The following PPFIA2 variants were observed in gnomAD, a reference collection of about 807,000 sequenced individuals.
PPFIA2 encodes the protein PPFI scaffold protein A2, also known as liprin-alpha-2.
A neutral mutation model predicts 175.5 loss-of-function variants in PPFIA2; 46 were observed. The observed-to-expected ratio is 0.26, with a 90% CI of 0.21 to 0.34. PPFIA2 has a LOEUF of 0.34. Ranked by LOEUF, PPFIA2 falls within the 10% of genes least tolerant of loss-of-function variation. PPFIA2 has a pLI of 1.00. For missense variants in PPFIA2, 1,179 were observed against 1,506.1 expected (o/e 0.78, Z 3.60); for synonymous variants, 568 against 511.4 (o/e 1.11, Z -1.49).
intron 4 of PPFIA2, among the ~76,000 whole-genome samples, chr12:81,538,386 T>C (rs1273409404): frequency 6.6e-6 from 1 of 151,894 alleles, no homozygotes; most frequent in African/African-American, 2.4e-5. Flanking sequence ...TATATTATTA[T>C]ATAAAACATA....
chr12:81,549,622 C>T lies in PPFIA2; in HGVS notation c.304-91756G>A, dbSNP rs181657728. Reference sequence around the variant, plus strand: ...TATCTCACTAAATCCTTGAATATGTCCCATTCCATTAGACACTCTCAAAAC... The same window carrying T: ...TATCTCACTAAATCCTTGAATATGTTCCATTCCATTAGACACTCTCAAAAC... On this transcript the variant is annotated intron_variant, in intron 4 of 32. Transcript: ENST00000549396. 8.5e-5 allele frequency among the ~76,000 whole-genome samples: 13 copies of T among 152,108 alleles called. No homozygotes were observed. The East Asian group carries it at 2.3e-3, about 27-fold the overall frequency.
intron 3 of PPFIA2, among the ~76,000 whole-genome samples, chr12:81,752,804 A>T (rs1219391340): frequency 6.6e-6 from 1 of 152,208 alleles, no homozygotes; most frequent in Non-Finnish European, 1.5e-5. Flanking sequence ...AACATTTAGT[A>T]TACTGTCTTT....
intron 8 of PPFIA2, among the ~76,000 whole-genome samples, chr12:81,388,222 A>C (rs979498753): frequency 6.6e-6 from 1 of 152,192 alleles, no homozygotes; most frequent in Non-Finnish European, 1.5e-5. Context: ...AATCATGCTA[A>C]ATAATTAAAT....
chr12:81,613,739 T>C (rs890557851), intron 4 of PPFIA2, among the ~76,000 whole-genome samples: 1 of 152,152 alleles, frequency 6.6e-6, no homozygotes, highest in African/African-American at 2.4e-5. Flanking sequence ...TGCTAAGGAC[T>C]AGAATAATGC....
At chr12:81,542,609 C>T (rs1443589333) in intron 4 of PPFIA2, among the ~76,000 whole-genome samples, 1 of 152,134 alleles carries the variant, frequency 6.6e-6, no homozygotes, top group Non-Finnish European at 1.5e-5. Flanking sequence ...AAGTTTCCCT[C>T]AGCTGGACTA....
chr12:81,301,203 T>G (rs1413564153), intron 22 of PPFIA2, among the ~76,000 whole-genome samples: 2 of 151,992 alleles, frequency 1.3e-5, no homozygotes, highest in Non-Finnish European at 2.9e-5. Flanking sequence ...GAACTTAACA[T>G]GAAATACGTG....
chr12:81,456,699 C>T (rs2053625416), intron 5 of PPFIA2, among the ~76,000 whole-genome samples: 1 of 152,058 alleles, frequency 6.6e-6, no homozygotes, highest in Non-Finnish European at 1.5e-5. Flanking sequence ...AACTGTACTC[C>T]TCTATGGGTA....
chr12:81,319,694 C>T (rs758610783), intron 22 of PPFIA2, among the ~76,000 whole-genome samples: 1 of 151,836 alleles, frequency 6.6e-6, no homozygotes, highest in Non-Finnish European at 1.5e-5. Context: ...CTAAGGACTT[C>T]ATTTTTGGAA....
chr12:81,305,543 A>G (rs1220455972), intron 22 of PPFIA2, among the ~76,000 whole-genome samples: 1 of 152,048 alleles, frequency 6.6e-6, no homozygotes, highest in Non-Finnish European at 1.5e-5. Context: ...GATACTCACC[A>G]TTCTTTGCAC....
intron 4 of PPFIA2, among the ~76,000 whole-genome samples, chr12:81,630,946 G>A (rs890039038): frequency 6.6e-6 from 1 of 150,466 alleles, no homozygotes; most frequent in African/African-American, 2.4e-5. Flanking sequence ...GGCCAGGCTG[G>A]AGGGCAGTGG....
At chr12:81,701,908 G>A (rs1297458451) in intron 3 of PPFIA2, among the ~76,000 whole-genome samples, 1 of 140,668 alleles carries the variant, frequency 7.1e-6, no homozygotes, top group Non-Finnish European at 1.5e-5. Context: ...ACACTTTATG[G>A]GAAGACTAAA....
chr12:81,554,306 T>C (rs1022580102), intron 4 of PPFIA2, among the ~76,000 whole-genome samples: 1 of 152,040 alleles, frequency 6.6e-6, no homozygotes, highest in Non-Finnish European at 1.5e-5. Context: ...CAAATTTTCC[T>C]AAGCCAAAGT....
chr12:81,669,488 G>A (rs1398802289), intron 4 of PPFIA2, among the ~76,000 whole-genome samples: 3 of 151,870 alleles, frequency 2.0e-5, no homozygotes, highest in Admixed American at 2.0e-4. Context: ...GACAAGGCTT[G>A]TAACTATGTA....
intron 4 of PPFIA2, among the ~76,000 whole-genome samples, chr12:81,526,851 G>A (rs2063789831): frequency 6.6e-6 from 1 of 152,106 alleles, no homozygotes; most frequent in Non-Finnish European, 1.5e-5. Flanking sequence ...TTAATTGGTA[G>A]ATACAGTCAC....
chr12:81,660,093 G>A (rs2068539898), intron 4 of PPFIA2, among the ~76,000 whole-genome samples: 1 of 151,964 alleles, frequency 6.6e-6, no homozygotes, highest in South Asian at 2.1e-4. Flanking sequence ...CACAAAGATG[G>A]GGAAAAAAGC....
chr12:81,508,707 G>A (rs1301164022), intron 4 of PPFIA2, among the ~76,000 whole-genome samples: 2 of 151,102 alleles, frequency 1.3e-5, no homozygotes, highest in African/African-American at 2.4e-5. Context: ...CTGGTGCGCT[G>A]CATCCACTAA....
At chr12:81,556,530 A>G (rs1270810649) in intron 4 of PPFIA2, among the ~76,000 whole-genome samples, 4 of 151,968 alleles carry the variant, frequency 2.6e-5, no homozygotes, top group Admixed American at 2.0e-4. Context: ...AGGCTATCTT[A>G]CAAGTGAAGG....
At chr12:81,485,809 A>G (rs995700470) in intron 4 of PPFIA2, among the ~76,000 whole-genome samples, 2 of 151,878 alleles carry the variant, frequency 1.3e-5, no homozygotes, top group African/African-American at 4.8e-5. Context: ...ATAATTTGAC[A>G]CCCTTTATTT....
At position 81,457,438 on chromosome 12, in the gene PPFIA2, C is replaced by A. The variant is rs529055587; in HGVS notation, c.405+327G>T. On this transcript the variant is annotated intron_variant, in intron 5 of 32. Transcript: ENST00000549396. ...TTCCAACCTCTGAGGGATTACCCTA[C>A]CCCCAAAACAACCTTTTGAAAGTTT... 2.6e-5 allele frequency among the ~76,000 whole-genome samples: 4 copies of A among 152,136 alleles called. No homozygotes were observed. In the South Asian group the frequency reaches 8.3e-4, roughly 32 times the overall value.
Sources: allele counts gnomAD v4.1 joint callset (sites outside exome capture counted in the v4.1 genomes callset), GRCh38; gene constraint gnomAD v4.1.1; transcripts MANE v1.5; gene names NCBI Gene and HGNC (gene_info 2026-07-23, HGNC 2026-07-21).